Variants in IL1RAPL1 observed in about 807,000 individuals in gnomAD.
IL1RAPL1 encodes interleukin 1 receptor accessory protein like 1.
IL1RAPL1 carries 3 observed loss-of-function variants against 48.4 expected under a neutral mutation model. The ratio of observed to expected loss-of-function variants is 0.06; its 90% CI spans 0.03 to 0.16. The LOEUF is 0.16. Among genes scored for constraint, IL1RAPL1 ranks in the 10% least tolerant of loss-of-function variants. The pLI, the probability that IL1RAPL1 is intolerant of heterozygous loss-of-function variation, is 1.00. For missense variants in IL1RAPL1, 349 were observed against 530.6 expected, an observed-to-expected ratio of 0.66 and a Z score of 3.36; for synonymous variants, 185 against 187.7, an observed-to-expected ratio of 0.99 and a Z score of 0.12.
chrX:28,701,628 G>T (rs1935298756), intron 1 of IL1RAPL1, among the ~76,000 whole-genome samples: 1 of 111,637 alleles, frequency 9.0e-6, no homozygotes, highest in East Asian at 2.8e-4. Flanking sequence ...TAAATCTAAA[G>T]ACAAAAATCC....
At chrX:29,129,417 T>C (rs941312626) in intron 2 of IL1RAPL1, among the ~76,000 whole-genome samples, 9 of 110,753 alleles carry the variant, frequency 8.1e-5, no homozygotes, top group African/African-American at 3.0e-4. Context: ...CAACCATAAA[T>C]GCTTAAACTC....
chrX:29,228,288 T>C (rs1265976192), intron 2 of IL1RAPL1, among the ~76,000 whole-genome samples: 1 of 102,585 alleles, frequency 9.7e-6, no homozygotes. Context: ...CATAGTTTTG[T>C]CACTCAAATA....
At chrX:29,165,180 G>A (rs190143715) in intron 2 of IL1RAPL1, among the ~76,000 whole-genome samples, 11 of 111,621 alleles carry the variant, frequency 9.9e-5, no homozygotes, top group East Asian at 2.8e-4. Context: ...TTAGCTGGGC[G>A]TGGTGGTGGG....
chrX:29,819,066 A>T (rs1930554552), intron 6 of IL1RAPL1, among the ~76,000 whole-genome samples: 1 of 111,882 alleles, frequency 8.9e-6, no homozygotes, highest in African/African-American at 3.2e-5. Flanking sequence ...TTATTATAAC[A>T]TTCAACGTAA....
intron 6 of IL1RAPL1, among the ~76,000 whole-genome samples, chrX:29,727,932 G>GTTAT (rs897894741): frequency 2.7e-5 from 3 of 110,666 alleles, no homozygotes; most frequent in Non-Finnish European, 3.8e-5. Flanking sequence ...TCTTCTTCTT[G>GTTAT]TTATTTATTT....
chrX:29,037,336 G>C (rs764966031), intron 2 of IL1RAPL1, among the ~76,000 whole-genome samples: 1 of 111,686 alleles, frequency 9.0e-6, no homozygotes, highest in African/African-American at 3.2e-5. Context: ...TTTGGTTATT[G>C]ACACTTCATA....
At chrX:28,601,756 A>G (rs1483054254) in intron 1 of IL1RAPL1, among the ~76,000 whole-genome samples, 1 of 111,008 alleles carries the variant, frequency 9.0e-6, no homozygotes, top group East Asian at 2.8e-4. Flanking sequence ...CTTTAAAAGC[A>G]TTTGTTAGAT....
chrX:29,323,319 G>T (rs751578926), intron 3 of IL1RAPL1, among the ~76,000 whole-genome samples: 129 of 109,816 alleles, frequency 1.2e-3, no homozygotes, highest in African/African-American at 4.1e-3. Flanking sequence ...TTGTCATGGT[G>T]CAAAAACTAT....
chrX:29,299,269 A>G (rs764331288), intron 3 of IL1RAPL1, among the ~76,000 whole-genome samples: 3 of 111,116 alleles, frequency 2.7e-5, no homozygotes, highest in Admixed American at 1.9e-4. Context: ...TCCCATATAT[A>G]TGTCCTATTA....
At chrX:29,452,158 A>C (rs1479833752) in intron 5 of IL1RAPL1, among the ~76,000 whole-genome samples, 3 of 112,392 alleles carry the variant, frequency 2.7e-5, no homozygotes, top group African/African-American at 9.7e-5. Flanking sequence ...AGCTATCATA[A>C]ATAAAGCAGA....
chrX:29,752,723 T>A (rs1928519416), intron 6 of IL1RAPL1, among the ~76,000 whole-genome samples: 1 of 111,039 alleles, frequency 9.0e-6, no homozygotes, highest in African/African-American at 3.3e-5. Context: ...TTATTTTGCA[T>A]CCCCAGATAT....
At chrX:29,062,564 T>C (rs1251317192) in intron 2 of IL1RAPL1, among the ~76,000 whole-genome samples, 1 of 112,105 alleles carries the variant, frequency 8.9e-6, no homozygotes, top group Non-Finnish European at 1.9e-5. Flanking sequence ...TAATTAATGG[T>C]ACATGGAGGT....
At chrX:28,890,667 A>G (rs1922748348) in intron 2 of IL1RAPL1, among the ~76,000 whole-genome samples, 1 of 112,108 alleles carries the variant, frequency 8.9e-6, no homozygotes, top group Admixed American at 9.5e-5. Flanking sequence ...TGAATAATTA[A>G]TAAACCATTG....
chrX:29,138,138 C>T (rs1295219331), intron 2 of IL1RAPL1, among the ~76,000 whole-genome samples: 1 of 112,400 alleles, frequency 8.9e-6, no homozygotes, highest in Non-Finnish European at 1.9e-5. Flanking sequence ...GCCACATCTA[C>T]AAGCTATCAG....
At chrX:29,706,348 T>C (rs956755387) in intron 6 of IL1RAPL1, among the ~76,000 whole-genome samples, 1 of 111,739 alleles carries the variant, frequency 8.9e-6, no homozygotes, top group African/African-American at 3.3e-5. Context: ...TCTTAACTCA[T>C]TCCAACTTTA....
rs148664554 is a variant in IL1RAPL1 at position 29,885,346 on chromosome X, A to G, written c.779-32118A>G. ...TCCCCATATATCTTATCACCTTTGA[A>G]CAGATTATCTAACTTTTGTCTGTCT... On this transcript the variant is annotated intron_variant, in intron 6 of 10. Transcript: ENST00000378993. Among the ~76,000 whole-genome samples, 368 of 111,916 alleles carry G rather than the reference A, an allele frequency of 3.3e-3. 2 individuals carry two copies. The highest frequency in any genetic ancestry group is 0.011 in the African/African-American group (345 of 30,784).
chrX:29,877,050 G>A (rs1007196948), intron 6 of IL1RAPL1, among the ~76,000 whole-genome samples: 10 of 111,501 alleles, frequency 9.0e-5, no homozygotes, highest in Non-Finnish European at 1.3e-4. Context: ...ACTATCCATA[G>A]TATTATAATT....
chrX:28,685,691 C>T lies in IL1RAPL1; in HGVS notation c.-25+97644C>T, dbSNP rs185673595. Among the ~76,000 whole-genome samples the T allele has an allele frequency of 1.5e-3, 164 of 111,652 alleles. 2 individuals carry two copies. The highest frequency in any genetic ancestry group is 4.9e-3 in the African/African-American group (151 of 30,743). The stretch of plus-strand genomic sequence containing the variant: ...TCTCTTACTGGTACATAGGAGATGA[C>T]GGTGCATCTTTTATTCATTGGTTTG... On this transcript the variant is annotated intron_variant, in intron 1 of 10. Transcript: ENST00000378993.
chrX:28,721,991 A>G (rs1935589846), intron 1 of IL1RAPL1, among the ~76,000 whole-genome samples: 1 of 111,672 alleles, frequency 9.0e-6, no homozygotes, highest in Admixed American at 9.5e-5. Flanking sequence ...TGTTTTGGTT[A>G]CTGTAGCCTT....
Sources: allele counts gnomAD v4.1 joint callset (sites outside exome capture counted in the v4.1 genomes callset), GRCh38; gene constraint gnomAD v4.1.1; transcripts MANE v1.5; gene names NCBI Gene and HGNC (gene_info 2026-07-23, HGNC 2026-07-21).